The following NEGR1 variants were observed in gnomAD, a reference collection of about 807,000 sequenced individuals.
NEGR1 encodes IgLON family member 4.
A neutral mutation model predicts 40.9 loss-of-function variants in NEGR1; 10 were observed. That is an observed-to-expected ratio of 0.24 (90% CI 0.15 to 0.42). NEGR1 has a LOEUF of 0.42. Among genes scored for constraint, NEGR1 ranks in the 10% least tolerant of loss-of-function variants. NEGR1 has a pLI of 1.00. For missense variants in NEGR1, 352 were observed against 438.9 expected, an observed-to-expected ratio of 0.80 and a Z score of 1.77; for synonymous variants, 185 against 166.8, an observed-to-expected ratio of 1.11 and a Z score of -0.84.
At chr1:72,232,010 C>T (rs1014372834) in intron 1 of NEGR1, among the ~76,000 whole-genome samples, 5 of 152,054 alleles carry the variant, frequency 3.3e-5, no homozygotes, top group African/African-American at 1.2e-4. Context: ...AAAAATTCAA[C>T]TCACAGCTAC....
chr1:72,121,015 A>T (rs867711574), intron 1 of NEGR1, among the ~76,000 whole-genome samples: 27 of 152,046 alleles, frequency 1.8e-4, no homozygotes, highest in Admixed American at 3.3e-4. Flanking sequence ...ATGTAGATTG[A>T]CTCTATTTAA....
intron 1 of NEGR1, among the ~76,000 whole-genome samples, chr1:72,006,844 C>T (rs1377813876): frequency 6.6e-6 from 1 of 152,136 alleles, no homozygotes; most frequent in Non-Finnish European, 1.5e-5. Context: ...TGAATATTCT[C>T]TGCAGCACCC....
intron 3 of NEGR1, among the ~76,000 whole-genome samples, chr1:71,717,873 G>A (rs536175764): frequency 9.9e-5 from 15 of 152,264 alleles, no homozygotes; most frequent in East Asian, 1.9e-4. Context: ...AAGACAATGC[G>A]AACACACTGG....
chr1:71,440,494 C>T (rs915367578), intron 6 of NEGR1, among the ~76,000 whole-genome samples: 2 of 152,118 alleles, frequency 1.3e-5, no homozygotes, highest in African/African-American at 2.4e-5. Context: ...TTGTAATAAT[C>T]GACATGTTGA....
chr1:72,115,249 C>CTTT (rs1649538390), intron 1 of NEGR1, among the ~76,000 whole-genome samples: 2 of 151,578 alleles, frequency 1.3e-5, no homozygotes, highest in Non-Finnish European at 3.0e-5. Flanking sequence ...TCATAATGCA[C>CTTT]TGGGTTGAGA....
chr1:72,019,875 AC>A (rs1211321440), intron 1 of NEGR1, among the ~76,000 whole-genome samples: 2 of 152,228 alleles, frequency 1.3e-5, no homozygotes, highest in African/African-American at 4.8e-5. Context: ...AAACCTTATG[AC>A]TATTAATTTG....
At chr1:72,065,233 A>G (rs1647244889) in intron 1 of NEGR1, among the ~76,000 whole-genome samples, 1 of 152,090 alleles carries the variant, frequency 6.6e-6, no homozygotes, top group Non-Finnish European at 1.5e-5. Flanking sequence ...CTTTCTAAGG[A>G]TAAATTACAA....
chr1:71,396,025 A>T lies in NEGR1; in HGVS notation c.*11421T>A, dbSNP rs1569821547. On this transcript the variant is annotated 3_prime_UTR_variant, in exon 7 of 7. Transcript: ENST00000357731. Reference sequence around the variant, plus strand: ...TGGAAACTGAAGCCCCATTCCAGAGAAGACATTGCTTTTTATGATAGATCC... The same window carrying T: ...TGGAAACTGAAGCCCCATTCCAGAGTAGACATTGCTTTTTATGATAGATCC... 3 of 152,288 alleles carry T rather than the reference A, an allele frequency of 2.0e-5. No individual in the cohort carries two copies. The East Asian group carries it at 5.8e-4, about 29-fold the overall frequency. 9.4% of individuals were successfully genotyped at this position (152,288 alleles called of 1,614,324 possible). A position where few individuals can be genotyped will look rare whatever the true frequency, so the allele number is the denominator to read the frequency against.
chr1:72,193,771 A>C (rs1307176951), intron 1 of NEGR1, among the ~76,000 whole-genome samples: 2 of 151,698 alleles, frequency 1.3e-5, no homozygotes, highest in Non-Finnish European at 3.0e-5. Context: ...ATATAAAAAG[A>C]ATATTTTTAA....
chr1:71,407,519 G>C lies in NEGR1; in HGVS notation c.992C>G (p.Ser331Cys). ...GITGSADVLF[S>C]CWYLVLTLSS... is the part of the protein sequence containing the mutation. ...CAGTGTCAACACAAGGTACCAGCAG[G>C]AGAAAAGAACATCAGCGCTCCCGGT... The change falls in exon 7 of 7, where the codon TCC becomes TGC. Residue 331 changes from serine (S) to cysteine (C), a missense_variant. Physicochemically the swap from Ser to Cys is moderately radical, Grantham distance 112 (BLOSUM62 -1). Transcript: ENST00000357731. 1 of 1,612,012 alleles carries C rather than the reference G, an allele frequency of 6.2e-7. No homozygotes were observed. Among genetic ancestry groups the C allele is most frequent in the Non-Finnish European group, 8.5e-7 (1 of 1,178,264 alleles).
At chr1:71,928,379 T>C (rs866726995) in intron 2 of NEGR1, among the ~76,000 whole-genome samples, 4 of 138,614 alleles carry the variant, frequency 2.9e-5, no homozygotes, top group African/African-American at 8.7e-5. Flanking sequence ...TGTATATATG[T>C]ATATATACAC....
chr1:72,036,615 T>A (rs1646905189), intron 1 of NEGR1, among the ~76,000 whole-genome samples: 1 of 146,610 alleles, frequency 6.8e-6, no homozygotes, highest in Admixed American at 6.9e-5. Context: ...GAGATTGCGC[T>A]ATTGTACTCC....
chr1:71,546,442 T>C (rs1647899034), intron 6 of NEGR1, among the ~76,000 whole-genome samples: 1 of 151,620 alleles, frequency 6.6e-6, no homozygotes, highest in Non-Finnish European at 1.5e-5. Flanking sequence ...AAAATAAATA[T>C]AGGATAACAT....
intron 1 of NEGR1, among the ~76,000 whole-genome samples, chr1:72,192,563 C>T (rs937226434): frequency 4.6e-5 from 7 of 151,676 alleles, no homozygotes; most frequent in Non-Finnish European, 8.8e-5. Flanking sequence ...ATCTAAATTA[C>T]AGTCTAGGAG....
chr1:71,598,448 G>A (rs1340489587), intron 5 of NEGR1, among the ~76,000 whole-genome samples: 1 of 152,098 alleles, frequency 6.6e-6, no homozygotes, highest in Admixed American at 6.5e-5. Context: ...TATGTATTTG[G>A]GGCTTAGTTA....
At chr1:71,594,911 G>A (rs1030843325) in intron 5 of NEGR1, among the ~76,000 whole-genome samples, 5 of 152,126 alleles carry the variant, frequency 3.3e-5, no homozygotes, top group African/African-American at 9.7e-5. Context: ...GTGCTCCATC[G>A]ACCAACAGTA....
At chr1:71,544,224 T>C (rs1458724102) in intron 6 of NEGR1, among the ~76,000 whole-genome samples, 1 of 151,730 alleles carries the variant, frequency 6.6e-6, no homozygotes, top group African/African-American at 2.4e-5. Context: ...AAGTAGTATA[T>C]ATTTTTTGCT....
intron 1 of NEGR1, among the ~76,000 whole-genome samples, chr1:72,174,540 C>G (rs1652093339): frequency 6.6e-6 from 1 of 152,108 alleles, no homozygotes; most frequent in Non-Finnish European, 1.5e-5. Context: ...TTTACTGTCT[C>G]CAGAGTTTTG....
chr1:72,036,836 A>G (rs1015339739), intron 1 of NEGR1, among the ~76,000 whole-genome samples: 6 of 152,088 alleles, frequency 3.9e-5, no homozygotes, highest in Non-Finnish European at 7.4e-5. Context: ...GCAAATAATC[A>G]ATATGGTTAA....
Sources: gnomAD v4.1 joint callset for allele counts (sites outside exome capture counted in the v4.1 genomes callset) on GRCh38, gnomAD v4.1.1 for gene constraint, MANE v1.5 for transcripts, NCBI Gene and HGNC (gene_info 2026-07-23, HGNC 2026-07-21) for gene names.